PTPRD: variants seen among roughly 807,000 people sequenced by gnomAD.
PTPRD encodes the protein receptor-type tyrosine-protein phosphatase delta.
PTPRD carries 34 observed loss-of-function variants against 214.5 expected under a neutral mutation model. The observed-to-expected ratio is 0.16, with a 90% CI of 0.12 to 0.21. The LOEUF (loss-of-function observed/expected upper bound fraction) is 0.21, where lower values mean the gene tolerates loss of function less well. Ranked by LOEUF, PTPRD falls within the 10% of genes least tolerant of loss-of-function variation. The pLI is 1.00. For missense variants in PTPRD, 2,545 were observed against 2,398.7 expected, an observed-to-expected ratio of 1.06 and a Z score of -1.27; for synonymous variants, 1,128 against 845.7, an observed-to-expected ratio of 1.33 and a Z score of -5.79.
At position 9,918,957 on chromosome 9, in the gene PTPRD, G is replaced by C. The variant is rs1234388705; in HGVS notation, c.-368+19550C>G. On this transcript the variant is annotated intron_variant, in intron 5 of 45. Transcript: ENST00000381196. ...CTCAGAAAAATGGCATATAGTTACA[G>C]ATCAATGAATGCCATTATTGTTTTT... 5.3e-5 allele frequency among the ~76,000 whole-genome samples: 8 copies of C among 152,114 alleles called. No individual in the cohort carries two copies. In the East Asian group the frequency reaches 1.2e-3, roughly 22 times the overall value.
chr9:8,756,907 G>A (rs1017302335), intron 11 of PTPRD, among the ~76,000 whole-genome samples: 4 of 152,094 alleles, frequency 2.6e-5, no homozygotes, highest in African/African-American at 4.8e-5. Flanking sequence ...TTGGGAGGCC[G>A]AGGTGGGCAG....
At chr9:8,787,694 G>C (rs552799650) in intron 11 of PTPRD, among the ~76,000 whole-genome samples, 52 of 152,148 alleles carry the variant, frequency 3.4e-4, no homozygotes, top group South Asian at 1.0e-3. Flanking sequence ...GGGAAGGAAG[G>C]AGAGATGGGA....
chr9:10,034,146 GA>G (rs367890346), intron 3 of PTPRD, among the ~76,000 whole-genome samples: 3 of 151,766 alleles, frequency 2.0e-5, no homozygotes, highest in Non-Finnish European at 4.4e-5. Context: ...AATTCATATG[GA>G]AAAAAATATT....
intron 5 of PTPRD, among the ~76,000 whole-genome samples, chr9:9,930,652 T>C (rs2086172632): frequency 6.6e-6 from 1 of 152,144 alleles, no homozygotes; most frequent in South Asian, 2.1e-4. Context: ...AAGTATATGA[T>C]GAAAGATAGC....
intron 39 of PTPRD, among the ~76,000 whole-genome samples, chr9:8,366,927 T>A (rs2080065309): frequency 1.3e-5 from 2 of 152,182 alleles, no homozygotes; most frequent in African/African-American, 4.8e-5. Flanking sequence ...GGTGCAAAAA[T>A]ATTTTTGGAA....
At chr9:9,643,505 T>C (rs2096042822) in intron 7 of PTPRD, among the ~76,000 whole-genome samples, 2 of 152,140 alleles carry the variant, frequency 1.3e-5, no homozygotes, top group Admixed American at 1.3e-4. Context: ...GTATTTTTCT[T>C]CATGAAGGAA....
chr9:10,017,181 G>A (rs533165813), intron 4 of PTPRD, among the ~76,000 whole-genome samples: 29 of 152,168 alleles, frequency 1.9e-4, no homozygotes, highest in African/African-American at 6.3e-4. Flanking sequence ...GGTGGACATC[G>A]AATATTAATT....
intron 8 of PTPRD, among the ~76,000 whole-genome samples, chr9:9,401,980 G>A (rs7853888): frequency 6.6e-6 from 1 of 151,918 alleles, no homozygotes; most frequent in South Asian, 2.1e-4. Context: ...AAGTTACCTA[G>A]TCTCAGGCAG....
intron 7 of PTPRD, among the ~76,000 whole-genome samples, chr9:9,714,693 G>A (rs758682008): frequency 6.6e-6 from 1 of 152,168 alleles, no homozygotes; most frequent in Non-Finnish European, 1.5e-5. Flanking sequence ...GAAGAGTGGT[G>A]GAGCTGATCA....
At chr9:8,947,862 A>G (rs937037406) in intron 11 of PTPRD, among the ~76,000 whole-genome samples, 4 of 152,124 alleles carry the variant, frequency 2.6e-5, no homozygotes, top group Non-Finnish European at 4.4e-5. Context: ...GCCAGACACT[A>G]TTTTAAGTAT....
chr9:9,382,597 T>C (rs151144527), intron 9 of PTPRD, among the ~76,000 whole-genome samples: 55 of 151,680 alleles, frequency 3.6e-4, no homozygotes, highest in African/African-American at 1.3e-3. Context: ...AAATGAAAAA[T>C]GAGATATCAC....
At chr9:10,063,662 C>G (rs924034451) in intron 3 of PTPRD, among the ~76,000 whole-genome samples, 18 of 151,876 alleles carry the variant, frequency 1.2e-4, no homozygotes, top group Non-Finnish European at 2.9e-5. Context: ...TACAAATATA[C>G]ACAATTTGGT....
intron 7 of PTPRD, among the ~76,000 whole-genome samples, chr9:9,654,360 T>C (rs148279725): frequency 2.6e-5 from 4 of 152,256 alleles, no homozygotes; most frequent in East Asian, 1.9e-4. Flanking sequence ...AATATGAGCA[T>C]TATGTAAATT....
At chr9:8,758,364 G>T (rs1376524880) in intron 11 of PTPRD, among the ~76,000 whole-genome samples, 1 of 152,126 alleles carries the variant, frequency 6.6e-6, no homozygotes, top group Non-Finnish European at 1.5e-5. Context: ...CATCAGGGCT[G>T]AACTCTGTGA....
chr9:8,404,341 C>T (rs560476152), intron 36 of PTPRD, among the ~76,000 whole-genome samples, 196 bp downstream of exon 36: 1 of 152,220 alleles, frequency 6.6e-6, no homozygotes, highest in Non-Finnish European at 1.5e-5. Context: ...GTTGGCCAGG[C>T]TGGTCTCGAA....
rs535099256 is a variant in PTPRD, at chr9:9,838,187, G to T, written c.-367-71336C>A. Among the ~76,000 whole-genome samples, 312 of 149,744 alleles carry T rather than the reference G, an allele frequency of 2.1e-3. 2 individuals carry two copies. The highest frequency in any genetic ancestry group is 7.6e-3 in the African/African-American group (297 of 39,138). On this transcript the variant is annotated intron_variant, in intron 5 of 45. Transcript: ENST00000381196. The stretch of plus-strand genomic sequence containing the variant: ...CTATCATTGTTGGACATTTGGGTTG[G>T]TTCCAAGTCTTTGCTATTGTGAATA...
intron 8 of PTPRD, among the ~76,000 whole-genome samples, chr9:9,413,670 T>A (rs1287051365): frequency 6.6e-6 from 1 of 152,210 alleles, no homozygotes; most frequent in Non-Finnish European, 1.5e-5. Flanking sequence ...GCAATCTTGG[T>A]TCTGTCCTTT....
intron 14 of PTPRD, among the ~76,000 whole-genome samples, chr9:8,532,796 T>G (rs1413995161): frequency 6.6e-6 from 1 of 152,048 alleles, no homozygotes; most frequent in Non-Finnish European, 1.5e-5. Context: ...TCATACATAT[T>G]TTGTTTGGAA....
At chr9:8,736,106 T>C (rs1250498515) in intron 11 of PTPRD, among the ~76,000 whole-genome samples, 1 of 152,116 alleles carries the variant, frequency 6.6e-6, no homozygotes, top group African/African-American at 2.4e-5. Context: ...ATTTAGAGAA[T>C]GCTATTAGGC....
Sources: gnomAD v4.1 joint callset for allele counts (sites outside exome capture counted in the v4.1 genomes callset) on GRCh38, gnomAD v4.1.1 for gene constraint, MANE v1.5 for transcripts, NCBI Gene and HGNC (gene_info 2026-07-23, HGNC 2026-07-21) for gene names.